The following PHF21A variants were observed in gnomAD, a reference collection of about 807,000 sequenced individuals.
PHF21A encodes PHD finger protein 21A.
Under a neutral mutation model 82.5 loss-of-function variants are expected in PHF21A, and 11 were observed. The observed-to-expected ratio is 0.13, with a 90% CI of 0.08 to 0.22. PHF21A has a LOEUF of 0.22. Ranked by LOEUF, PHF21A falls within the 10% of genes least tolerant of loss-of-function variation. The pLI is 1.00. For synonymous variants in PHF21A, 297 were observed against 302.8 expected (o/e 0.98, Z 0.20); for missense variants, 579 against 837.8 (o/e 0.69, Z 3.81).
intron 6 of PHF21A, among the ~76,000 whole-genome samples, chr11:46,035,893 T>C (rs2095991408): frequency 6.6e-6 from 1 of 152,186 alleles, no homozygotes; most frequent in Non-Finnish European, 1.5e-5. Flanking sequence ...ATTTTGGACT[T>C]GGTCCTAAGA....
intron 6 of PHF21A, among the ~76,000 whole-genome samples, chr11:46,028,810 C>T (rs12277800): frequency 0.33 from 50,061 of 151,672 alleles, 9,346 homozygotes; most frequent in East Asian, 0.8. Flanking sequence ...CTGACCTCAT[C>T]GTCCACTCGC....
intron 4 of PHF21A, among the ~76,000 whole-genome samples, chr11:46,082,416 G>A (rs1194766294): frequency 6.6e-6 from 1 of 152,148 alleles, no homozygotes; most frequent in Non-Finnish European, 1.5e-5. Flanking sequence ...AATCGTGTAG[G>A]TGACACCATA....
intron 6 of PHF21A, among the ~76,000 whole-genome samples, chr11:46,012,875 A>T (rs1043855575): frequency 6.6e-6 from 1 of 151,556 alleles, no homozygotes; most frequent in African/African-American, 2.4e-5. Context: ...CATCCCCCCA[A>T]CTCTTTACAT....
intron 14 of PHF21A, 25 bp downstream of exon 14, chr11:45,948,861 G>A (rs1248145171): frequency 1.9e-6 from 3 of 1,586,710 alleles, no homozygotes; most frequent in South Asian, 1.1e-5. Flanking sequence ...ACAGCAGCAA[G>A]GGAGAGATAC....
At chr11:46,070,221 T>C (rs956346337) in intron 6 of PHF21A, among the ~76,000 whole-genome samples, 1 of 152,318 alleles carries the variant, frequency 6.6e-6, no homozygotes, top group African/African-American at 2.4e-5. Context: ...TATTAAAATA[T>C]ATTCAAATTT....
chr11:46,120,738 C>A (rs1853036376), intron 1 of PHF21A, among the ~76,000 whole-genome samples, 197 bp downstream of exon 1: 1 of 151,772 alleles, frequency 6.6e-6, no homozygotes, highest in African/African-American at 2.4e-5. Flanking sequence ...CCCCTCCCCT[C>A]CCCCTACCTC....
chr11:45,990,250 CTTTTTTTTTTTTTTTTTT>C (rs201187984), intron 6 of PHF21A, among the ~76,000 whole-genome samples: 1 of 56,232 alleles, frequency 1.8e-5, no homozygotes, highest in Non-Finnish European at 4.8e-5. Context: ...TTTTCATCTT[CTTTTTTTTTTTTTTTTTT>C]TTTTTTTTCA....
chr11:45,955,350 C>CTTT (rs2092555047), intron 10 of PHF21A, among the ~76,000 whole-genome samples: 1 of 152,058 alleles, frequency 6.6e-6, no homozygotes, highest in Non-Finnish European at 1.5e-5. Flanking sequence ...TAAAACAAAA[C>CTTT]ACCAGTGGGA....
At chr11:46,017,909 T>G (rs1190701761) in intron 6 of PHF21A, among the ~76,000 whole-genome samples, 1 of 152,118 alleles carries the variant, frequency 6.6e-6, no homozygotes, top group African/African-American at 2.4e-5. Context: ...AAATGAAAAT[T>G]TATTATTTTG....
intron 6 of PHF21A, among the ~76,000 whole-genome samples, chr11:46,005,197 G>A (rs751132403): frequency 5.3e-5 from 8 of 152,150 alleles, no homozygotes; most frequent in Non-Finnish European, 8.8e-5. Context: ...AACTTTTTGA[G>A]CACTGACGTG....
At chr11:46,052,869 C>A (rs1385591885) in intron 6 of PHF21A, among the ~76,000 whole-genome samples, 1 of 152,164 alleles carries the variant, frequency 6.6e-6, no homozygotes, top group Non-Finnish European at 1.5e-5. Context: ...TAAGCAAAGG[C>A]ATCACAGAAA....
intron 1 of PHF21A, among the ~76,000 whole-genome samples, chr11:46,099,268 T>C (rs2097053530): frequency 6.6e-6 from 1 of 152,124 alleles, no homozygotes; most frequent in Non-Finnish European, 1.5e-5. Context: ...AACTCCTCCC[T>C]GATGGAGCCC....
At chr11:45,937,340 CAA>C (rs1273347233) in intron 16 of PHF21A, among the ~76,000 whole-genome samples, 2 of 152,116 alleles carry the variant, frequency 1.3e-5, no homozygotes, top group Non-Finnish European at 2.9e-5. Context: ...GACCAGAAAC[CAA>C]AGAGAGAACG....
At chr11:45,984,803 T>C (rs562261184) in intron 6 of PHF21A, among the ~76,000 whole-genome samples, 1 of 152,328 alleles carries the variant, frequency 6.6e-6, no homozygotes, top group South Asian at 2.1e-4. Flanking sequence ...TTTTCACACA[T>C]TCAGTCACTC....
intron 6 of PHF21A, among the ~76,000 whole-genome samples, chr11:46,053,027 G>A (rs947558569): frequency 1.3e-5 from 2 of 152,160 alleles, no homozygotes; most frequent in Middle Eastern, 3.2e-3. Context: ...ACAACAAGGT[G>A]AAAATCTAAG....
chr11:46,074,425 T>G (rs1373126594), intron 6 of PHF21A, among the ~76,000 whole-genome samples: 1 of 150,284 alleles, frequency 6.7e-6, no homozygotes, highest in Non-Finnish European at 1.5e-5. Flanking sequence ...GAAAATTGGT[T>G]AGGTTCTGCC....
intron 6 of PHF21A, among the ~76,000 whole-genome samples, chr11:46,042,578 T>G (rs1428886458): frequency 6.6e-6 from 1 of 152,164 alleles, no homozygotes; most frequent in Non-Finnish European, 1.5e-5. Flanking sequence ...ATCTCATCTA[T>G]GTCTTATGAC....
chr11:46,029,255 A>G (rs2095816395), intron 6 of PHF21A, among the ~76,000 whole-genome samples: 1 of 152,264 alleles, frequency 6.6e-6, no homozygotes, highest in African/African-American at 2.4e-5. Context: ...CACAAAGTCT[A>G]ACAAATACTT....
At chr11:46,034,851 C>A (rs1052281404) in intron 6 of PHF21A, among the ~76,000 whole-genome samples, 5 of 152,304 alleles carry the variant, frequency 3.3e-5, no homozygotes, top group Admixed American at 6.5e-5. Flanking sequence ...GCATGTGACC[C>A]TGGCCACACA....
Sources: gnomAD v4.1 joint callset for allele counts (sites outside exome capture counted in the v4.1 genomes callset) on GRCh38, gnomAD v4.1.1 for gene constraint, MANE v1.5 for transcripts, NCBI Gene and HGNC (gene_info 2026-07-23, HGNC 2026-07-21) for gene names.